Variants in CTIF observed in about 807,000 individuals in gnomAD.
CTIF encodes CBP80/20-dependent translation initiation factor.
CTIF carries 21 observed loss-of-function variants against 66.0 expected under a neutral mutation model. That is an observed-to-expected ratio of 0.32 (90% confidence interval 0.23 to 0.46). The LOEUF is 0.46. Among genes scored for constraint, CTIF ranks in the 20% least tolerant of loss-of-function variants. CTIF has a pLI of 1.00. For synonymous variants in CTIF, 345 were observed against 326.4 expected, an observed-to-expected ratio of 1.06 and a Z score of -0.62; for missense variants, 739 against 812.7, an observed-to-expected ratio of 0.91 and a Z score of 1.10.
At chr18:48,619,213 G>C (rs1598748492) in intron 1 of CTIF, among the ~76,000 whole-genome samples, 1 of 152,172 alleles carries the variant, frequency 6.6e-6, no homozygotes, top group African/African-American at 2.4e-5. Context: ...TTGGCCTGTA[G>C]GCTGAGCTCA....
At chr18:48,587,713 C>T (rs1453871029) in intron 1 of CTIF, among the ~76,000 whole-genome samples, 5 of 152,156 alleles carry the variant, frequency 3.3e-5, no homozygotes, top group Non-Finnish European at 1.5e-5. Flanking sequence ...TCTGCAAGTT[C>T]GAGTTTTAGC....
At chr18:48,817,132 C>G (rs2068380635) in intron 9 of CTIF, 89 bp from the exon 10 acceptor site, 3 of 1,358,348 alleles carry the variant, frequency 2.2e-6, no homozygotes, top group East Asian at 4.8e-5. Context: ...AGGAGCAGCC[C>G]CAAGACAACA....
intron 9 of CTIF, among the ~76,000 whole-genome samples, chr18:48,771,657 T>C (rs1910130408): frequency 6.6e-6 from 1 of 152,150 alleles, no homozygotes; most frequent in Admixed American, 6.5e-5. Context: ...TGCAGATAAG[T>C]GGGTTACCGG....
intron 1 of CTIF, among the ~76,000 whole-genome samples, chr18:48,546,660 C>A (rs1304923756): frequency 6.6e-6 from 1 of 152,042 alleles, no homozygotes; most frequent in East Asian, 1.9e-4. Context: ...TGCTTCCTGG[C>A]CTCAAAGCCC....
intron 7 of CTIF, among the ~76,000 whole-genome samples, chr18:48,714,260 T>G (rs1366286528): frequency 6.6e-6 from 1 of 152,186 alleles, no homozygotes; most frequent in Non-Finnish European, 1.5e-5. Flanking sequence ...ATTCTGGGCT[T>G]AAACTACACT....
At chr18:48,765,687 C>A (rs931096126) in intron 9 of CTIF, among the ~76,000 whole-genome samples, 1 of 152,142 alleles carries the variant, frequency 6.6e-6, no homozygotes, top group Non-Finnish European at 1.5e-5. Flanking sequence ...TTAACCCTTC[C>A]CAGCCAGACT....
chr18:48,698,922 G>A (rs570995464), intron 6 of CTIF, among the ~76,000 whole-genome samples: 3 of 152,242 alleles, frequency 2.0e-5, no homozygotes, highest in Non-Finnish European at 4.4e-5. Context: ...TAGTACAGCC[G>A]CTGGCACCAC....
At chr18:48,659,964 G>T (rs999478762) in intron 3 of CTIF, among the ~76,000 whole-genome samples, 4 of 152,006 alleles carry the variant, frequency 2.6e-5, no homozygotes, top group Admixed American at 2.6e-4. Flanking sequence ...AGGAGTTGTG[G>T]GGATTCAATG....
At chr18:48,825,412 C>G (rs959612999) in intron 10 of CTIF, among the ~76,000 whole-genome samples, 1 of 152,222 alleles carries the variant, frequency 6.6e-6, no homozygotes, top group Non-Finnish European at 1.5e-5. Context: ...GCCAGCAAGT[C>G]AGGCTTCTCA....
chr18:48,766,016 A>T (rs1909498176), intron 9 of CTIF, among the ~76,000 whole-genome samples: 6 of 149,884 alleles, frequency 4.0e-5, no homozygotes, highest in Admixed American at 3.3e-4. Flanking sequence ...GGTTAGTTAC[A>T]TATGTATACA....
intron 10 of CTIF, 55 bp from the exon 11 acceptor site, chr18:48,857,533 G>A (rs2069358084): frequency 6.5e-7 from 1 of 1,535,334 alleles, no homozygotes. Flanking sequence ...GAGCTACAGG[G>A]CCCAGTAGCC....
At chr18:48,593,759 T>A (rs1003430876) in intron 1 of CTIF, among the ~76,000 whole-genome samples, 13 of 151,574 alleles carry the variant, frequency 8.6e-5, no homozygotes, top group Non-Finnish European at 4.4e-5. Context: ...TTTTTTTTTT[T>A]AAGATATTAT....
intron 9 of CTIF, among the ~76,000 whole-genome samples, chr18:48,804,600 C>T (rs983524011): frequency 6.6e-6 from 1 of 152,196 alleles, no homozygotes; most frequent in Non-Finnish European, 1.5e-5. Context: ...GTCTCTCTGC[C>T]GCTTATTCAG....
At chr18:48,547,731 TTC>T (rs2088785419) in intron 1 of CTIF, among the ~76,000 whole-genome samples, 1 of 152,188 alleles carries the variant, frequency 6.6e-6, no homozygotes, top group East Asian at 1.9e-4. Flanking sequence ...CAAGCTGAGA[TTC>T]TGTGAGAATC....
intron 7 of CTIF, among the ~76,000 whole-genome samples, chr18:48,724,558 C>T (rs2092369384): frequency 6.6e-6 from 1 of 152,208 alleles, no homozygotes; most frequent in South Asian, 2.1e-4. Context: ...CTCCTTCCTA[C>T]TCCTCCACCC....
At chr18:48,775,836 T>C (rs985102878) in intron 9 of CTIF, among the ~76,000 whole-genome samples, 1 of 151,916 alleles carries the variant, frequency 6.6e-6, no homozygotes, top group Non-Finnish European at 1.5e-5. Context: ...AGAGGAGGAT[T>C]GGGGAAGGAG....
chr18:48,549,717 C>G (rs1212322740), intron 1 of CTIF, among the ~76,000 whole-genome samples: 1 of 152,198 alleles, frequency 6.6e-6, no homozygotes, highest in African/African-American at 2.4e-5. Flanking sequence ...GCTGAAGATT[C>G]TATCAAGGCT....
intron 9 of CTIF, among the ~76,000 whole-genome samples, chr18:48,793,634 G>GC (rs1041705418): frequency 6.6e-6 from 1 of 152,182 alleles, no homozygotes; most frequent in Non-Finnish European, 1.5e-5. Context: ...CTTCTTGTGT[G>GC]CCCCCTTCTC....
At chr18:48,588,264 A>G (rs534105684) in intron 1 of CTIF, among the ~76,000 whole-genome samples, 1 of 151,930 alleles carries the variant, frequency 6.6e-6, no homozygotes, top group South Asian at 2.1e-4. Flanking sequence ...CAGGCCTTTC[A>G]TGCTTTCCAG....
Sources: allele counts gnomAD v4.1 joint callset (sites outside exome capture counted in the v4.1 genomes callset), GRCh38; gene constraint gnomAD v4.1.1; transcripts MANE v1.5; gene names NCBI Gene and HGNC (gene_info 2026-07-23, HGNC 2026-07-21).